FAM210B: variants seen among roughly 807,000 people sequenced by gnomAD.
FAM210B encodes the protein mitochondrial inner membrane scaffold 2.
Under a neutral mutation model 14.9 loss-of-function variants are expected in FAM210B, and 11 were observed. The ratio of observed to expected loss-of-function variants is 0.74; its 90% CI spans 0.46 to 1.22. FAM210B has a LOEUF of 1.22. Ranked by LOEUF, FAM210B falls within the 50% of genes most tolerant of loss-of-function variation. The pLI is 0.00. For synonymous variants in FAM210B, 113 were observed against 110.2 expected, an observed-to-expected ratio of 1.03 and a Z score of -0.16; for missense variants, 229 against 250.1, an observed-to-expected ratio of 0.92 and a Z score of 0.57.
At chr20:56,360,311 G>A (rs1257768718) in intron 1 of FAM210B, 3 of 459,450 alleles carry the variant, frequency 6.5e-6, no homozygotes, top group African/African-American at 6.0e-5. Flanking sequence ...CCTCTCTAAC[G>A]ACCTGTGAGG....
chr20:56,366,366 T>G lies in FAM210B; in HGVS notation c.*79T>G. ...TGGATTGGTTTTAGGGTTTTAGGGT[T>G]GTAGGGTTTCTTTTGGAGAGGTAGG... On this transcript the variant is annotated 3_prime_UTR_variant, in exon 3 of 3. Coordinates refer to ENST00000371384, the MANE Select transcript of FAM210B (RefSeq NM_080821.3). 3 of 1,442,510 alleles carry G rather than the reference T, an allele frequency of 2.1e-6. No individual in the cohort carries two copies. Among genetic ancestry groups the G allele is most frequent in the Middle Eastern group, 1.8e-4 (1 of 5,664 alleles). The allele number at this position is 1,442,510 out of a possible 1,614,324, so 89.4% of individuals were successfully genotyped here.
rs1011075424 is a variant in FAM210B, at chr20:56,359,593, C to T, written c.186+402C>T. Among the ~76,000 whole-genome samples the T allele has an allele frequency of 6.6e-6, 1 of 152,256 alleles. No individual in the cohort carries two copies. Among genetic ancestry groups the T allele is most frequent in the African/African-American group, 2.4e-5 (1 of 41,478 alleles). ...ACCTCCCGACGCTCGCTGCTCCTCC[C>T]TTTTCTTCTGAGTGGAAGAGCAGGC... On this transcript the variant is annotated intron_variant, in intron 1 of 2. Transcript: ENST00000371384. The surrounding 1 kb of genome is among the most constrained non-coding windows in gnomAD (Gnocchi z 4.3).
At chr20:56,365,995 A>G in intron 2 of FAM210B, 76 bp from the exon 3 acceptor site, 5 of 958,978 alleles carry the variant, frequency 5.2e-6, no homozygotes, top group Non-Finnish European at 5.9e-6. Flanking sequence ...AAAATACTGT[A>G]AATCTTATAG....
In FAM210B at chr20:56,363,966, A is replaced by G. The variant is rs1236096760; in HGVS notation, c.187-1121A>G. Among the ~76,000 whole-genome samples the G allele has an allele frequency of 6.6e-6, 1 of 152,188 alleles. No individual in the cohort carries two copies. Among genetic ancestry groups the G allele is most frequent in the East Asian group, 1.9e-4 (1 of 5,196 alleles). On this transcript the variant is annotated intron_variant, in intron 1 of 2. Transcript: ENST00000371384. The surrounding 1 kb of genome is among the most constrained non-coding windows in gnomAD (Gnocchi z 4.1). Reference sequence around the variant, plus strand: ...TCAGGCCAATGACCTCACCTCAGCAAGCCTGTGTTGCTCCTTTGCAAAGTG... The same window carrying G: ...TCAGGCCAATGACCTCACCTCAGCAGGCCTGTGTTGCTCCTTTGCAAAGTG...
At chr20:56,364,212 G>T (rs1983586316) in intron 1 of FAM210B, among the ~76,000 whole-genome samples, 2 of 152,240 alleles carry the variant, frequency 1.3e-5, no homozygotes, top group Non-Finnish European at 2.9e-5. Context: ...GAGGTCAGAA[G>T]TCCAAAATGG....
At chr20:56,364,989 C>A in intron 1 of FAM210B, 98 bp from the exon 2 acceptor site, 1 of 1,169,434 alleles carries the variant, frequency 8.6e-7, no homozygotes, top group Non-Finnish European at 1.2e-6. Context: ...ATCTCTCATC[C>A]AGCAGGAAAG....
chr20:56,365,558 T>G (rs906744045), intron 2 of FAM210B, among the ~76,000 whole-genome samples: 10 of 152,056 alleles, frequency 6.6e-5, no homozygotes, highest in Non-Finnish European at 1.0e-4. Flanking sequence ...CAGACTGGAG[T>G]GCAGTGGCGT....
intron 1 of FAM210B, among the ~76,000 whole-genome samples, chr20:56,364,328 A>G (rs964612869): frequency 6.6e-6 from 1 of 152,174 alleles, no homozygotes; most frequent in Admixed American, 6.5e-5. Context: ...TCCTTGGCTC[A>G]TGGCCCTTGC....
chr20:56,363,292 C>T lies in FAM210B; in HGVS notation c.187-1795C>T, dbSNP rs137970961. Among the ~76,000 whole-genome samples the T allele has an allele frequency of 3.5e-3, 532 of 152,308 alleles. 4 individuals carry two copies. Among genetic ancestry groups the T allele is most frequent in the African/African-American group, 0.012 (514 of 41,564 alleles). On this transcript the variant is annotated intron_variant, in intron 1 of 2. Coordinates refer to ENST00000371384, the MANE Select transcript of FAM210B (RefSeq NM_080821.3). This position sits in a 1 kb window ranked among gnomAD's most constrained non-coding sequence, Gnocchi z 4.1. ...GCTGCCAGTTAGCCGTCCCTCCCTC[C>T]TGAGCCTCAGTCATCCATCTGTCAA...
In FAM210B at chr20:56,362,760, G is replaced by A. The variant is rs1443399554; in HGVS notation, c.187-2327G>A. The stretch of plus-strand genomic sequence containing the variant: ...GCTCAGTTCTATAGCTGGAATCCTG[G>A]CTGCCTTTTTATTTTTATTTTTTGG... On this transcript the variant is annotated intron_variant, in intron 1 of 2. Transcript: ENST00000371384. The surrounding 1 kb of genome is among the most constrained non-coding windows in gnomAD (Gnocchi z 4.8). 1.3e-5 allele frequency among the ~76,000 whole-genome samples: 2 copies of A among 152,168 alleles called. No individual in the cohort carries two copies. The highest frequency in any genetic ancestry group is 2.9e-5 in the Non-Finnish European group (2 of 68,044).
chr20:56,363,624 T>TC lies in FAM210B; in HGVS notation c.187-1460dup, dbSNP rs962111071. Among the ~76,000 whole-genome samples, 21 of 152,270 alleles carry TC rather than the reference T, an allele frequency of 1.4e-4. No homozygotes were observed. The highest frequency in any genetic ancestry group is 7.2e-4 in the Admixed American group (11 of 15,300). On this transcript the variant is annotated intron_variant, in intron 1 of 2. Transcript: ENST00000371384. This position sits in a 1 kb window ranked among gnomAD's most constrained non-coding sequence, Gnocchi z 4.1. ...CTCTGTTATTGAGAAGTGGTTTTTT[T>TC]CCCTCCCCTAATGTGGGTGAGGTTG...
chr20:56,366,348 G>C lies in FAM210B; in HGVS notation c.*61G>C, dbSNP rs1983635677. 3 of 1,493,216 alleles carry C rather than the reference G, an allele frequency of 2.0e-6. No homozygotes were observed. The African/African-American group carries it at 4.2e-5, about 21-fold the overall frequency. 92.5% of individuals were successfully genotyped at this position (1,493,216 alleles called of 1,614,324 possible). A position where few individuals can be genotyped will look rare whatever the true frequency, so the allele number is the denominator to read the frequency against. On this transcript the variant is annotated 3_prime_UTR_variant, in exon 3 of 3. Coordinates refer to ENST00000371384, the MANE Select transcript of FAM210B (RefSeq NM_080821.3). The stretch of plus-strand genomic sequence containing the variant: ...CTTCTAAATTACATGATTTGGATTG[G>C]TTTTAGGGTTTTAGGGTTGTAGGGT...
Position 56,358,995 on chromosome 20 carries a change from A to G in FAM210B, c.-11A>G. On this transcript the variant is annotated 5_prime_UTR_variant, in exon 1 of 3. Transcript: ENST00000371384. Reference sequence around the variant, plus strand: ...GGTCAGCGGCGCGGGTGCTGCGCCTAGCTGCGCACCATGGCCGGGTTGCTG... The same window carrying G: ...GGTCAGCGGCGCGGGTGCTGCGCCTGGCTGCGCACCATGGCCGGGTTGCTG... 7.9e-7 allele frequency: 1 copy of G among 1,271,870 alleles called. No individual in the cohort carries two copies. The highest frequency in any genetic ancestry group is 9.9e-7 in the Non-Finnish European group (1 of 1,005,648). The allele number at this position is 1,271,870 out of a possible 1,614,324, so 78.8% of individuals were successfully genotyped here.
At position 56,363,609 on chromosome 20, in the gene FAM210B, G is replaced by C. The variant is rs528806748; in HGVS notation, c.187-1478G>C. Among the ~76,000 whole-genome samples the C allele has an allele frequency of 1.3e-5, 2 of 152,286 alleles. No homozygotes were observed. The highest frequency in any genetic ancestry group is 4.1e-4 in the South Asian group (2 of 4,826). On this transcript the variant is annotated intron_variant, in intron 1 of 2. Transcript: ENST00000371384. This position sits in a 1 kb window ranked among gnomAD's most constrained non-coding sequence, Gnocchi z 4.1. ...CTTTTGATTAAAGTGCTCTGTTATT[G>C]AGAAGTGGTTTTTTTCCCTCCCCTA...
At position 56,366,250 on chromosome 20, in the gene FAM210B, A is replaced by G; in HGVS notation, c.542A>G (p.Lys181Arg). 2 of 1,614,090 alleles carry G rather than the reference A, an allele frequency of 1.2e-6. No individual in the cohort carries two copies. The highest frequency in any genetic ancestry group is 1.1e-5 in the South Asian group (1 of 91,080). Residue 181 changes from lysine (K) to arginine (R), a missense_variant, in exon 3 of 3, where the codon AAA becomes AGA. Coordinates refer to ENST00000371384, the MANE Select transcript of FAM210B (RefSeq NM_080821.3). The part of the protein sequence containing the change: ...SVPLIVRYFR[K>R]VGFFKPPAAK... The stretch of plus-strand genomic sequence containing the variant: ...CCCTTGATTGTCAGATATTTTCGAA[A>G]AGTGGGATTTTTTAAACCTCCAGCT...
intron 2 of FAM210B, 131 bp from the exon 3 acceptor site, chr20:56,365,940 G>A (rs1983625401): frequency 1.6e-6 from 1 of 629,248 alleles, no homozygotes; most frequent in African/African-American, 2.5e-5. Context: ...CACTGCACCT[G>A]GCCACTAAGA....
At chr20:56,365,355 G>C (rs62209409) in intron 2 of FAM210B, 93 bp downstream of exon 2, 1 of 1,397,194 alleles carries the variant, frequency 7.2e-7, no homozygotes, top group Non-Finnish European at 9.8e-7. Context: ...TTTTTTTTAA[G>C]ACAGGGTCTC....
intron 1 of FAM210B, chr20:56,360,132 C>A: frequency 2.2e-6 from 1 of 464,554 alleles, no homozygotes; most frequent in South Asian, 1.6e-5. Context: ...TGGACCCAGG[C>A]TTTCATCATG....
In FAM210B at chr20:56,366,406, G is replaced by T; in HGVS notation, c.*119G>T. The T allele has an allele frequency of 1.1e-6, 1 of 894,662 alleles. No homozygotes were observed. Among genetic ancestry groups the T allele is most frequent in the East Asian group, 2.6e-5 (1 of 38,416 alleles). The allele number at this position is 894,662 out of a possible 1,614,324, so 55.4% of individuals were successfully genotyped here. On this transcript the variant is annotated 3_prime_UTR_variant, in exon 3 of 3. Coordinates refer to ENST00000371384, the MANE Select transcript of FAM210B (RefSeq NM_080821.3). ...GGAGAGGTAGGGGGCTAATTGCTAT[G>T]TTCTCATGGATAAACTTTGCCAGCA...
Sources: allele counts gnomAD v4.1 joint callset (sites outside exome capture counted in the v4.1 genomes callset), GRCh38; gene constraint gnomAD v4.1.1; non-coding constraint Gnocchi (gnomAD v3.1); transcripts MANE v1.5; gene names NCBI Gene and HGNC (gene_info 2026-07-23, HGNC 2026-07-21).